The following WDR17 variants were observed in gnomAD, a reference collection of about 807,000 sequenced individuals.
WDR17 encodes the protein WD repeat-containing protein 17.
In WDR17, 143 loss-of-function variants were observed where a neutral mutation model predicts 161.7. The ratio of observed to expected loss-of-function variants is 0.88; its 90% CI spans 0.77 to 1.02. WDR17 has a LOEUF of 1.02. WDR17 is among the 50% of genes least tolerant of loss of function. The probability of loss-of-function intolerance (pLI) is 0.00; values close to 1 mark genes in which losing one functional copy is unlikely to be tolerated. For missense variants in WDR17, 1,469 were observed against 1,520.9 expected (o/e 0.97, Z 0.57); for synonymous variants, 517 against 515.6 (o/e 1.00, Z -0.04).
chr4:176,069,769 A>C lies in WDR17; in HGVS notation c.-7+3690A>C, dbSNP rs1248442205. Among the ~76,000 whole-genome samples, 5 of 152,216 alleles carry C rather than the reference A, an allele frequency of 3.3e-5. No homozygotes were observed. In the South Asian group the frequency reaches 6.2e-4, roughly 19 times the overall value. On this transcript the variant is annotated intron_variant, in intron 1 of 28. Transcript: ENST00000508596. ...ACTTACTTTCAAATCGGAAAGTAGA[A>C]AATAATTTTTATTACACAAAGCACT...
Position 176,119,979 on chromosome 4 carries a change from T to C in WDR17, c.420T>C (p.Ile140=), listed in dbSNP as rs369878258. ...TCTCAGGACCAGATAGTGGAGTGAT[T>C]GTACACAAAGATGCTCATAGCTTCT... The part of the protein sequence containing the change: ...WTISGPDSGV[I]VHKDAHSFLS... Residue 140 remains isoleucine, a synonymous_variant, in exon 4 of 29, where the codon ATT becomes ATC. Transcript: ENST00000508596. 1.9e-6 allele frequency: 3 copies of C among 1,613,952 alleles called. No homozygotes were observed. Among genetic ancestry groups the C allele is most frequent in the Non-Finnish European group, 2.5e-6 (3 of 1,179,998 alleles).
chr4:176,140,018 T>C (rs779402694), intron 10 of WDR17, 44 bp downstream of exon 10: 15 of 1,482,078 alleles, frequency 1.0e-5, no homozygotes, highest in Non-Finnish European at 1.4e-5. Flanking sequence ...ACACTGTTTA[T>C]AAAGCACTCA....
intron 1 of WDR17, among the ~76,000 whole-genome samples, chr4:176,105,747 C>T (rs1003616618): frequency 2.6e-5 from 4 of 152,148 alleles, no homozygotes; most frequent in Non-Finnish European, 5.9e-5. Context: ...GCTATAAATG[C>T]TTTCATTAAA....
chr4:176,148,063 TA>T, intron 12 of WDR17, 69 bp from the exon 13 acceptor site: 1 of 1,339,780 alleles, frequency 7.5e-7, no homozygotes, highest in East Asian at 2.4e-5. Flanking sequence ...TATACTCTAT[TA>T]AGAATATGTT....
At chr4:176,169,090 G>GT (rs1750322332) in intron 23 of WDR17, among the ~76,000 whole-genome samples, 1 of 152,200 alleles carries the variant, frequency 6.6e-6, no homozygotes, top group African/African-American at 2.4e-5. Flanking sequence ...TAGCGGTGGA[G>GT]TGAGAATTTC....
chr4:176,089,893 T>G (rs1391388441), intron 1 of WDR17, among the ~76,000 whole-genome samples: 1 of 152,166 alleles, frequency 6.6e-6, no homozygotes, highest in Non-Finnish European at 1.5e-5. Flanking sequence ...TTGCTTTTAC[T>G]CCTTCTCCAT....
chr4:176,097,507 T>C (rs1406914702), intron 1 of WDR17, among the ~76,000 whole-genome samples: 2 of 151,958 alleles, frequency 1.3e-5, no homozygotes, highest in African/African-American at 4.8e-5. Flanking sequence ...TCAGATACTT[T>C]TTTTGTAAGC....
chr4:176,167,666 A>AC lies in WDR17; in HGVS notation c.2991-1006_2991-1005insC, dbSNP rs754030367. Reference sequence around the variant, plus strand: ...TCTCAAAAAAAAAAAAAAAAAAAAAAAAAAAACAATATCTTGAATTATTGA... The same window carrying AC: ...TCTCAAAAAAAAAAAAAAAAAAAAAACAAAAAACAATATCTTGAATTATTGA... On this transcript the variant is annotated intron_variant, in intron 22 of 28. Transcript: ENST00000508596. Among the ~76,000 whole-genome samples, 32 of 139,960 alleles carry AC rather than the reference A, an allele frequency of 2.3e-4. 3 individuals carry two copies. Among genetic ancestry groups the AC allele is most frequent in the African/African-American group, 6.7e-4 (26 of 38,658 alleles). The allele number at this position is 139,960 out of a possible 152,430, so 91.8% of individuals were successfully genotyped here.
At chr4:176,096,600 CT>C in intron 1 of WDR17, 2 of 1,560,904 alleles carry the variant, frequency 1.3e-6, no homozygotes, top group Non-Finnish European at 1.7e-6. Context: ...GATACATTTA[CT>C]TGTAATTACG....
chr4:176,141,521 C>T lies in WDR17; in HGVS notation c.1443-462C>T, dbSNP rs184289439. 7.2e-4 allele frequency among the ~76,000 whole-genome samples: 110 copies of T among 152,310 alleles called. 1 individual carries two copies. The East Asian group carries it at 0.016, about 22-fold the overall frequency. Reference sequence around the variant, plus strand: ...CCCAGCTCACTGCAACCTTCACCTCCTGGGTTCAAGTGATCCTCCTGCCTC... The same window carrying T: ...CCCAGCTCACTGCAACCTTCACCTCTTGGGTTCAAGTGATCCTCCTGCCTC... On this transcript the variant is annotated intron_variant, in intron 10 of 28. Transcript: ENST00000508596.
At chr4:176,073,311 G>C (rs181749552) in intron 1 of WDR17, among the ~76,000 whole-genome samples, 1,777 of 152,098 alleles carry the variant, frequency 0.012, 18 homozygotes, top group Non-Finnish European at 0.019. Context: ...ATGTCCATGT[G>C]TTCTCATTGT....
chr4:176,177,049 C>G lies in WDR17; in HGVS notation c.3450-9C>G, dbSNP rs1413923474. 8 of 1,605,824 alleles carry G rather than the reference C, an allele frequency of 5.0e-6. No individual in the cohort carries two copies. The highest frequency in any genetic ancestry group is 6.8e-6 in the Non-Finnish European group (8 of 1,173,644). ...GTATCAGATGTTAATTTCCTTTTCACACGTTCAGTCAGCTATTAAAACGTC... is the reference window on the plus strand; with the variant it reads ...GTATCAGATGTTAATTTCCTTTTCAGACGTTCAGTCAGCTATTAAAACGTC... On this transcript the variant is annotated splice_polypyrimidine_tract_variant and intron_variant, in intron 26 of 28. Transcript: ENST00000508596.
chr4:176,087,156 A>G (rs1393225486), intron 1 of WDR17, among the ~76,000 whole-genome samples: 1 of 151,876 alleles, frequency 6.6e-6, no homozygotes. Flanking sequence ...GATCTTCAAT[A>G]TTTCTAACAT....
At chr4:176,137,445 C>T in intron 8 of WDR17, 75 bp from the exon 9 acceptor site, 1 of 1,236,744 alleles carries the variant, frequency 8.1e-7, no homozygotes, top group Non-Finnish European at 1.2e-6. Flanking sequence ...CTTACATTTT[C>T]ACAAGTTACA....
chr4:176,142,163 A>G lies in WDR17; in HGVS notation c.1529+94A>G, dbSNP rs1464835233. On this transcript the variant is annotated intron_variant, in intron 11 of 28. Transcript: ENST00000508596. ...AGTGCTATTTCCAAAGGTAATATCT[A>G]TCACTCTATTTATACAATATCCCCT... 4 of 976,936 alleles carry G rather than the reference A, an allele frequency of 4.1e-6. No homozygotes were observed. The East Asian group carries it at 7.3e-5, about 18-fold the overall frequency. 60.5% of individuals were successfully genotyped at this position (976,936 alleles called of 1,614,324 possible). A position where few individuals can be genotyped will look rare whatever the true frequency, so the allele number is the denominator to read the frequency against.
intron 13 of WDR17, among the ~76,000 whole-genome samples, chr4:176,149,174 T>G (rs539932956): frequency 8.5e-5 from 13 of 152,234 alleles, no homozygotes; most frequent in Non-Finnish European, 8.8e-5. Flanking sequence ...TTGTTGCTGC[T>G]TAACCACACG....
intron 4 of WDR17, among the ~76,000 whole-genome samples, chr4:176,121,224 T>G (rs937456812): frequency 6.6e-6 from 1 of 152,214 alleles, no homozygotes; most frequent in African/African-American, 2.4e-5. Context: ...GCACTGCAAC[T>G]TATCTGTTCT....
intron 1 of WDR17, among the ~76,000 whole-genome samples, chr4:176,105,528 C>A (rs1290754366): frequency 1.3e-5 from 2 of 151,350 alleles, no homozygotes; most frequent in African/African-American, 4.9e-5. Flanking sequence ...CTTCTCTGAA[C>A]ACTGTGGGAT....
At chr4:176,133,072 A>G (rs1743730974) in intron 7 of WDR17, among the ~76,000 whole-genome samples, 1 of 151,578 alleles carries the variant, frequency 6.6e-6, no homozygotes, top group Admixed American at 6.6e-5. Context: ...TCAGGAGACA[A>G]TTACATTGCA....
Sources: gnomAD v4.1 joint callset for allele counts (sites outside exome capture counted in the v4.1 genomes callset) on GRCh38, gnomAD v4.1.1 for gene constraint, MANE v1.5 for transcripts, NCBI Gene and HGNC (gene_info 2026-07-23, HGNC 2026-07-21) for gene names.